GLT1D1: variants seen among roughly 807,000 people sequenced by gnomAD.
The protein encoded by GLT1D1 is glycosyltransferase 1 domain-containing protein 1.
In GLT1D1, 21 loss-of-function variants were observed where a neutral mutation model predicts 28.7. That is an observed-to-expected ratio of 0.73 (90% CI 0.52 to 1.05). The LOEUF (loss-of-function observed/expected upper bound fraction) is 1.05. GLT1D1 is among the 50% of genes least tolerant of loss of function. The pLI is 0.00. For missense variants in GLT1D1, 343 were observed against 330.6 expected (o/e 1.04, Z -0.29); for synonymous variants, 147 against 124.8 (o/e 1.18, Z -1.19).
At chr12:128,856,084 G>T (rs1266974092) in intron 1 of GLT1D1, among the ~76,000 whole-genome samples, 1 of 152,080 alleles carries the variant, frequency 6.6e-6, no homozygotes, top group Non-Finnish European at 1.5e-5. Context: ...ATTTCTTGAT[G>T]ATATGCTAAA....
intron 4 of GLT1D1, among the ~76,000 whole-genome samples, chr12:128,912,818 C>T (rs937091596): frequency 6.6e-6 from 1 of 151,728 alleles, no homozygotes; most frequent in African/African-American, 2.4e-5. Flanking sequence ...AGGCATGAGC[C>T]GCCATGCCCA....
chr12:128,913,480 C>CA (rs1318996392), intron 4 of GLT1D1, among the ~76,000 whole-genome samples: 1 of 152,200 alleles, frequency 6.6e-6, no homozygotes, highest in Non-Finnish European at 1.5e-5. Flanking sequence ...CTTGGCCTCC[C>CA]AGATTGCTGG....
chr12:128,963,570 C>T (rs112749303), intron 7 of GLT1D1, among the ~76,000 whole-genome samples: 5 of 152,190 alleles, frequency 3.3e-5, no homozygotes, highest in African/African-American at 9.6e-5. Context: ...TGCTTAAACC[C>T]GGGGGGTGGA....
At chr12:128,972,081 G>A (rs1197828926) in intron 7 of GLT1D1, among the ~76,000 whole-genome samples, 1 of 151,940 alleles carries the variant, frequency 6.6e-6, no homozygotes, top group African/African-American at 2.4e-5. Context: ...GCTGTCCCTT[G>A]GGGATCTTGG....
intron 4 of GLT1D1, among the ~76,000 whole-genome samples, chr12:128,905,005 G>C (rs1870702713): frequency 6.6e-6 from 1 of 152,116 alleles, no homozygotes; most frequent in African/African-American, 2.4e-5. Context: ...CTGACCTCAA[G>C]TGATCTGCCC....
Position 128,939,471 on chromosome 12 carries a change from C to T in GLT1D1, c.376-5855C>T, listed in dbSNP as rs1198014709. On this transcript the variant is annotated intron_variant, in intron 4 of 7. Coordinates refer to ENST00000281703, the MANE Select transcript of GLT1D1 (RefSeq NM_144669.3). ...GCACAGTGGCTCATGCTTGTAATCC[C>T]AGCACTTTGGGAGGCCGAGGCAGGA... Among the ~76,000 whole-genome samples, 3 of 151,424 alleles carry T rather than the reference C, an allele frequency of 2.0e-5. No homozygotes were observed. In the East Asian group the frequency reaches 5.8e-4, roughly 29 times the overall value.
At chr12:128,869,924 T>C (rs1403444639) in intron 1 of GLT1D1, among the ~76,000 whole-genome samples, 1 of 146,826 alleles carries the variant, frequency 6.8e-6, no homozygotes, top group Admixed American at 7.2e-5. Flanking sequence ...AAAAAAGAGT[T>C]CCTGTGTGTA....
chr12:128,880,169 C>T (rs2135808301), intron 2 of GLT1D1, among the ~76,000 whole-genome samples: 1 of 152,286 alleles, frequency 6.6e-6, no homozygotes, highest in East Asian at 1.9e-4. Context: ...AGTCAGATTG[C>T]TGGATTTTTG....
At position 128,890,488 on chromosome 12, in the gene GLT1D1, T is replaced by C. The variant is rs146847941; in HGVS notation, c.323+1744T>C. ...CGAATAACAATAATAAGAATTAAAA[T>C]AATGATAAAATCAGGCCGGGCACGG... On this transcript the variant is annotated intron_variant, in intron 3 of 7. Coordinates refer to ENST00000281703, the MANE Select transcript of GLT1D1 (RefSeq NM_144669.3). Among the ~76,000 whole-genome samples the C allele has an allele frequency of 8.5e-4, 130 of 152,200 alleles. 1 individual carries two copies. The East Asian group carries it at 0.023, about 27-fold the overall frequency.
intron 6 of GLT1D1, among the ~76,000 whole-genome samples, chr12:128,947,800 G>A (rs910372925): frequency 1.3e-5 from 2 of 152,270 alleles, no homozygotes; most frequent in South Asian, 2.1e-4. Flanking sequence ...TTTGCAGGAA[G>A]CCTCCCTTTA....
At chr12:128,979,795 C>T (rs1048617720) in intron 7 of GLT1D1, among the ~76,000 whole-genome samples, 6 of 152,196 alleles carry the variant, frequency 3.9e-5, no homozygotes, top group South Asian at 2.1e-4. Context: ...CACCAACCTC[C>T]GGAGCATCCC....
At chr12:128,957,485 C>A in intron 6 of GLT1D1, 60 bp from the exon 11 acceptor site, 1 of 1,181,508 alleles carries the variant, frequency 8.5e-7, no homozygotes, top group Non-Finnish European at 1.3e-6. Flanking sequence ...CCTGACTCAT[C>A]TTGCCGCAGA....
chr12:128,866,903 G>A (rs1184714373), intron 1 of GLT1D1, among the ~76,000 whole-genome samples: 1 of 151,830 alleles, frequency 6.6e-6, no homozygotes, highest in African/African-American at 2.4e-5. Flanking sequence ...TTACAGGCAT[G>A]AGCCACTGCG....
chr12:128,897,930 G>C (rs1158160717), intron 3 of GLT1D1, among the ~76,000 whole-genome samples: 1 of 152,186 alleles, frequency 6.6e-6, no homozygotes, highest in Non-Finnish European at 1.5e-5. Context: ...GACTCCCAAA[G>C]TGCTGGGATT....
rs552448126 is a variant in GLT1D1, at chr12:128,975,903, A to C, written c.640-7026A>C. 4.6e-5 allele frequency among the ~76,000 whole-genome samples: 7 copies of C among 152,352 alleles called. No individual in the cohort carries two copies. The East Asian group carries it at 1.4e-3, about 29-fold the overall frequency. On this transcript the variant is annotated intron_variant, in intron 7 of 7. Coordinates refer to ENST00000281703, the MANE Select transcript of GLT1D1 (RefSeq NM_144669.3). ...AGGTTCATGCTGAAGAGTTTAGAGA[A>C]GAGCTTCGTGTTCTTTTGCATGGTC...
At chr12:128,868,354 C>A (rs1484783164) in intron 1 of GLT1D1, among the ~76,000 whole-genome samples, 1 of 152,150 alleles carries the variant, frequency 6.6e-6, no homozygotes, top group Admixed American at 6.5e-5. Context: ...GCAGGAGCAC[C>A]CTTGGATCTG....
intron 5 of GLT1D1, among the ~76,000 whole-genome samples, chr12:128,946,400 G>A (rs1790238959): frequency 6.6e-6 from 1 of 152,108 alleles, no homozygotes; most frequent in Non-Finnish European, 1.5e-5. Flanking sequence ...AGGCTGGAGT[G>A]CAGTGGCGTG....
At chr12:128,856,999 G>T (rs748725001) in intron 1 of GLT1D1, among the ~76,000 whole-genome samples, 2 of 152,084 alleles carry the variant, frequency 1.3e-5, no homozygotes, top group Non-Finnish European at 2.9e-5. Flanking sequence ...AATGTTGAGT[G>T]ACCGAAGAAC....
intron 4 of GLT1D1, among the ~76,000 whole-genome samples, chr12:128,936,070 C>T (rs912146669): frequency 9.9e-5 from 15 of 151,806 alleles, no homozygotes; most frequent in Admixed American, 7.2e-4. Context: ...CAGTTTGCAG[C>T]GGGGATTCGA....
Sources: gnomAD v4.1 joint callset for allele counts (sites outside exome capture counted in the v4.1 genomes callset) on GRCh38, gnomAD v4.1.1 for gene constraint, MANE v1.5 for transcripts, NCBI Gene and HGNC (gene_info 2026-07-23, HGNC 2026-07-21) for gene names.